LRRTM4: variants seen among roughly 807,000 people sequenced by gnomAD.
LRRTM4 encodes leucine rich repeat transmembrane neuronal 4, also known as leucine-rich repeat transmembrane neuronal protein 4.
A neutral mutation model predicts 47.6 loss-of-function variants in LRRTM4; 25 were observed. The observed-to-expected ratio is 0.53, with a 90% CI of 0.38 to 0.73. The LOEUF (loss-of-function observed/expected upper bound fraction) is 0.73. Ranked by LOEUF, LRRTM4 falls within the 30% of genes least tolerant of loss-of-function variation. LRRTM4 has a pLI of 0.00. For synonymous variants in LRRTM4, 311 were observed against 269.5 expected (o/e 1.15, Z -1.51); for missense variants, 638 against 713.4 (o/e 0.89, Z 1.20).
chr2:77,097,393 T>A (rs1670838935), intron 3 of LRRTM4, among the ~76,000 whole-genome samples: 1 of 151,960 alleles, frequency 6.6e-6, no homozygotes, highest in African/African-American at 2.4e-5. Context: ...TTTACAAAAC[T>A]TTGCATTTGG....
chr2:77,236,785 G>T (rs1267738048), intron 3 of LRRTM4, among the ~76,000 whole-genome samples: 2 of 151,956 alleles, frequency 1.3e-5, no homozygotes, highest in African/African-American at 2.4e-5. Flanking sequence ...ATGATCAAAT[G>T]GTTTTTGTTT....
intron 3 of LRRTM4, among the ~76,000 whole-genome samples, chr2:77,180,207 A>C (rs2103854691): frequency 6.6e-6 from 1 of 152,222 alleles, no homozygotes; most frequent in South Asian, 2.1e-4. Context: ...AGGAATTACA[A>C]CTTTGACAGC....
chr2:76,845,525 G>T (rs187448291), intron 3 of LRRTM4, among the ~76,000 whole-genome samples: 1 of 152,108 alleles, frequency 6.6e-6, no homozygotes, highest in South Asian at 2.1e-4. Flanking sequence ...ATTCTCCAGG[G>T]AGGGAGGCAG....
chr2:77,122,462 TCA>T (rs1671544219), intron 3 of LRRTM4, among the ~76,000 whole-genome samples: 1 of 150,160 alleles, frequency 6.7e-6, no homozygotes, highest in South Asian at 2.1e-4. Context: ...ACATATATAA[TCA>T]TATATATACA....
intron 3 of LRRTM4, among the ~76,000 whole-genome samples, chr2:77,415,545 G>T (rs973677340): frequency 2.6e-5 from 4 of 152,074 alleles, no homozygotes; most frequent in Admixed American, 6.6e-5. Context: ...CATGTTCTCT[G>T]GACTCTATGG....
intron 3 of LRRTM4, among the ~76,000 whole-genome samples, chr2:76,907,969 G>C (rs987218529): frequency 6.6e-6 from 1 of 151,346 alleles, no homozygotes; most frequent in Admixed American, 6.6e-5. Flanking sequence ...TAGAAAAAGA[G>C]GGAATCCTCC....
At chr2:76,807,423 T>TACACAC (rs1553412607) in intron 3 of LRRTM4, among the ~76,000 whole-genome samples, 1 of 87,670 alleles carries the variant, frequency 1.1e-5, no homozygotes, top group African/African-American at 4.1e-5. Context: ...TATATATATA[T>TACACAC]ACATATATAT....
chr2:77,005,670 T>A (rs1677616021), intron 3 of LRRTM4, among the ~76,000 whole-genome samples: 2 of 152,072 alleles, frequency 1.3e-5, no homozygotes, highest in Non-Finnish European at 2.9e-5. Context: ...ATAAAGGGAG[T>A]TCCCCTGCAC....
At chr2:76,919,903 A>G (rs1205120088) in intron 3 of LRRTM4, among the ~76,000 whole-genome samples, 2 of 152,166 alleles carry the variant, frequency 1.3e-5, no homozygotes, top group Non-Finnish European at 2.9e-5. Flanking sequence ...AACAGATGCA[A>G]CAGCTGCAAT....
chr2:76,788,731 G>GTGATTT (rs1358814602), intron 3 of LRRTM4, among the ~76,000 whole-genome samples: 2 of 152,168 alleles, frequency 1.3e-5, no homozygotes, highest in Non-Finnish European at 2.9e-5. Flanking sequence ...TTCTATCAAT[G>GTGATTT]TGATTTCAGA....
intron 3 of LRRTM4, among the ~76,000 whole-genome samples, chr2:76,787,578 T>TC (rs1457149235): frequency 8.1e-4 from 123 of 152,018 alleles, no homozygotes; most frequent in Non-Finnish European, 3.5e-4. Flanking sequence ...TAGGAAAATT[T>TC]TTTTTTTTTA....
intron 3 of LRRTM4, among the ~76,000 whole-genome samples, chr2:77,170,954 T>TTATATGTATTAA (rs1253874617): frequency 1.3e-5 from 2 of 150,530 alleles, no homozygotes. Context: ...ATTATATGTA[T>TTATATGTATTAA]TATATGTACG....
chr2:77,455,908 A>G (rs113149007), intron 3 of LRRTM4, among the ~76,000 whole-genome samples: 6,907 of 152,136 alleles, frequency 0.045, 160 homozygotes, highest in Non-Finnish European at 0.06. Context: ...GCTTCTCTCC[A>G]AAACCCCTTT....
intron 3 of LRRTM4, among the ~76,000 whole-genome samples, chr2:77,324,556 A>G (rs1385791989): frequency 6.6e-6 from 1 of 152,166 alleles, no homozygotes; most frequent in African/African-American, 2.4e-5. Context: ...CAGCATTCAC[A>G]TCAGCCCTGA....
At chr2:77,160,364 G>C (rs142192422) in intron 3 of LRRTM4, among the ~76,000 whole-genome samples, 20 of 152,100 alleles carry the variant, frequency 1.3e-4, no homozygotes, top group Non-Finnish European at 2.9e-5. Context: ...TTTGTGAGTA[G>C]TGAGCCATAA....
intron 3 of LRRTM4, among the ~76,000 whole-genome samples, chr2:76,902,953 T>C (rs1423972041): frequency 1.3e-5 from 2 of 152,218 alleles, no homozygotes; most frequent in African/African-American, 4.8e-5. Flanking sequence ...TTTTATATAA[T>C]AAACTAATAA....
intron 3 of LRRTM4, among the ~76,000 whole-genome samples, chr2:76,778,403 G>T (rs1301764533): frequency 0.013 from 1,835 of 144,032 alleles, 61 homozygotes; most frequent in African/African-American, 0.049. Context: ...ACTCTTTTTG[G>T]TTGGTAAGCT....
chr2:77,519,893 C>G lies in LRRTM4; in HGVS notation c.5-29G>C. On this transcript the variant is annotated intron_variant, in intron 2 of 3. Coordinates refer to ENST00000409884, the MANE Select transcript of LRRTM4 (RefSeq NM_001134745.3). The surrounding 1 kb of genome is among the most constrained non-coding windows in gnomAD (Gnocchi z 4.6). ...CGATATTAAAAAAAAGACAGATGCA[C>G]ATTGTGAAGCTATTAAAATAAATCA... 1 of 1,522,212 alleles carries G rather than the reference C, an allele frequency of 6.6e-7. No individual in the cohort carries two copies. Among genetic ancestry groups the G allele is most frequent in the Non-Finnish European group, 8.8e-7 (1 of 1,134,308 alleles). 94.3% of individuals were successfully genotyped at this position (1,522,212 alleles called of 1,614,324 possible).
chr2:77,033,992 T>A (rs1439181511), intron 3 of LRRTM4, among the ~76,000 whole-genome samples: 1 of 151,840 alleles, frequency 6.6e-6, no homozygotes, highest in Admixed American at 6.6e-5. Context: ...CAAGATTTTT[T>A]AATATAAAAG....
Sources: gnomAD v4.1 joint callset for allele counts (sites outside exome capture counted in the v4.1 genomes callset) on GRCh38, gnomAD v4.1.1 for gene constraint, Gnocchi (gnomAD v3.1) non-coding constraint, MANE v1.5 for transcripts, NCBI Gene and HGNC (gene_info 2026-07-23, HGNC 2026-07-21) for gene names.